The following BDP1 variants were observed in gnomAD, a reference collection of about 807,000 sequenced individuals.
The protein encoded by BDP1 is BDP1 general transcription factor IIIB subunit.
A neutral mutation model predicts 266.6 loss-of-function variants in BDP1; 169 were observed. The ratio of observed to expected loss-of-function variants is 0.63; its 90% CI spans 0.56 to 0.72. BDP1 has a LOEUF of 0.72. Among genes scored for constraint, BDP1 ranks in the 30% least tolerant of loss-of-function variants. BDP1 has a pLI of 0.00. For synonymous variants in BDP1, 1,090 were observed against 1,022.4 expected, an observed-to-expected ratio of 1.07 and a Z score of -1.26; for missense variants, 3,015 against 3,053.8, an observed-to-expected ratio of 0.99 and a Z score of 0.30.
intron 11 of BDP1, chr5:71,494,994 G>C (rs953519275): frequency 4.0e-6 from 1 of 247,646 alleles, no homozygotes; most frequent in African/African-American, 2.2e-5. Context: ...CACCTTGTCC[G>C]GCCTTCATTT....
At chr5:71,535,424 C>T (rs1016271852) in intron 26 of BDP1, among the ~76,000 whole-genome samples, 7 of 151,968 alleles carry the variant, frequency 4.6e-5, no homozygotes, top group Non-Finnish European at 8.8e-5. Flanking sequence ...AGGCTGGTCT[C>T]GAACTTCTGA....
At chr5:71,572,651 C>G (rs150184144), downstream of BDP1, among the ~76,000 whole-genome samples, 3 of 152,280 alleles carry the variant, frequency 2.0e-5, no homozygotes, top group East Asian at 5.8e-4. Flanking sequence ...CAAACTGGTG[C>G]TCGGGTTCTC....
At chr5:71,468,950 A>G (rs1363990543) in intron 6 of BDP1, among the ~76,000 whole-genome samples, 1 of 152,166 alleles carries the variant, frequency 6.6e-6, no homozygotes, top group Non-Finnish European at 1.5e-5. Context: ...TACCTCAGAT[A>G]ATATTGTATA....
At chr5:71,539,785 A>G (rs1435401024) in intron 28 of BDP1, 136 bp downstream of exon 28, 1 of 582,588 alleles carries the variant, frequency 1.7e-6, no homozygotes, top group Non-Finnish European at 3.0e-6. Flanking sequence ...AAAATATGAT[A>G]TGTATGTATT....
downstream of BDP1, among the ~76,000 whole-genome samples, chr5:71,571,341 T>C (rs1328327640): frequency 6.6e-6 from 1 of 152,138 alleles, no homozygotes; most frequent in Non-Finnish European, 1.5e-5. Context: ...GATGGGTTTT[T>C]GCCATATTGC....
chr5:71,473,783 C>T (rs1762418608), intron 7 of BDP1, among the ~76,000 whole-genome samples: 1 of 151,906 alleles, frequency 6.6e-6, no homozygotes, highest in African/African-American at 2.4e-5. Context: ...CACCCATTGA[C>T]TCGTCATTTA....
chr5:71,478,802 G>T (rs1341230553), intron 7 of BDP1, among the ~76,000 whole-genome samples: 2 of 151,726 alleles, frequency 1.3e-5, no homozygotes, highest in Non-Finnish European at 2.9e-5. Context: ...TAATCCTCTC[G>T]TTCTGGAACT....
At chr5:71,512,856 A>AAACC (rs1765002996) in intron 18 of BDP1, among the ~76,000 whole-genome samples, 1 of 151,908 alleles carries the variant, frequency 6.6e-6, no homozygotes, top group Non-Finnish European at 1.5e-5. Context: ...GGAGTTTGAG[A>AAACC]CCAGCCTGGG....
At chr5:71,469,839 ACT>A (rs1310091479) in intron 6 of BDP1, among the ~76,000 whole-genome samples, 1 of 122,006 alleles carries the variant, frequency 8.2e-6, no homozygotes, top group African/African-American at 3.1e-5. Flanking sequence ...CTGGTCTCAA[ACT>A]CTTTTTTTTT....
chr5:71,554,025 T>C (rs1455105631), intron 35 of BDP1, among the ~76,000 whole-genome samples: 1 of 152,238 alleles, frequency 6.6e-6, no homozygotes, highest in Non-Finnish European at 1.5e-5. Flanking sequence ...CCTCTTGTTT[T>C]TATACTCATC....
At chr5:71,484,582 A>G in intron 8 of BDP1, among the ~76,000 whole-genome samples, 1 of 152,130 alleles carries the variant, frequency 6.6e-6, no homozygotes, top group East Asian at 1.9e-4. Context: ...ATATCTTGCA[A>G]TTTCTAACTA....
chr5:71,527,071 T>A (rs1381341204), intron 25 of BDP1, among the ~76,000 whole-genome samples: 1 of 151,928 alleles, frequency 6.6e-6, no homozygotes, highest in African/African-American at 2.4e-5. Context: ...CTACCATCCA[T>A]CCACAGAACT....
intron 10 of BDP1, among the ~76,000 whole-genome samples, chr5:71,490,173 G>T (rs1763503349): frequency 6.6e-6 from 1 of 152,084 alleles, no homozygotes; most frequent in Non-Finnish European, 1.5e-5. Flanking sequence ...AGTTTGAGGG[G>T]GAGTCTTGGT....
Position 71,526,477 on chromosome 5 carries a change from G to A in BDP1, c.5772+2154G>A, listed in dbSNP as rs538142542. Among the ~76,000 whole-genome samples, 13 of 151,752 alleles carry A rather than the reference G, an allele frequency of 8.6e-5. No individual in the cohort carries two copies. The East Asian group carries it at 2.0e-3, about 23-fold the overall frequency. The stretch of plus-strand genomic sequence containing the variant: ...ACTAAAATACAAAAATTAGCTGGGC[G>A]TGGTGTCAGGTGCCTGTAGTCCCAG... On this transcript the variant is annotated intron_variant, in intron 25 of 38. Coordinates refer to ENST00000358731, the MANE Select transcript of BDP1 (RefSeq NM_018429.3).
chr5:71,562,305 T>C lies in BDP1; in HGVS notation c.7528T>C (p.Leu2510=). Residue 2510 remains leucine (L), a synonymous_variant, in exon 38 of 39, where the codon TTA becomes CTA. Coordinates refer to ENST00000358731, the MANE Select transcript of BDP1 (RefSeq NM_018429.3). ...PGRRPLGFLS[L]ICSKNSLESD... is the part of the protein sequence containing the mutation. ...CAGAAGACCCCTGGGATTTTTATCT[T>C]TAATATGCTCAAAGAATAGTTTGGA... is the stretch of plus-strand genomic sequence containing the variant. 6.2e-7 allele frequency: 1 copy of C among 1,610,780 alleles called. No homozygotes were observed. Among genetic ancestry groups the C allele is most frequent in the Non-Finnish European group, 8.5e-7 (1 of 1,179,028 alleles).
chr5:71,521,072 C>T (rs1472155415), intron 22 of BDP1, among the ~76,000 whole-genome samples: 1 of 151,340 alleles, frequency 6.6e-6, no homozygotes, highest in Non-Finnish European at 1.5e-5. Context: ...CCTGTAATCC[C>T]AGCTACTTGA....
intron 7 of BDP1, among the ~76,000 whole-genome samples, chr5:71,475,071 C>T (rs12514575): frequency 0.44 from 67,597 of 151,940 alleles, 15,408 homozygotes; most frequent in South Asian, 0.55. Context: ...GCAGAATAAT[C>T]CTTAAATGTA....
At chr5:71,468,021 A>T (rs934623467) in intron 6 of BDP1, among the ~76,000 whole-genome samples, 8 of 151,798 alleles carry the variant, frequency 5.3e-5, no homozygotes, top group Admixed American at 1.3e-4. Context: ...TTTGAAAAAA[A>T]TTTTTTTATT....
chr5:71,466,965 C>T (rs1761944893), intron 5 of BDP1, among the ~76,000 whole-genome samples: 1 of 152,144 alleles, frequency 6.6e-6, no homozygotes, highest in African/African-American at 2.4e-5. Context: ...TATTTAACTG[C>T]TTTCTCTGCA....
Sources: gnomAD v4.1 joint callset for allele counts (sites outside exome capture counted in the v4.1 genomes callset) on GRCh38, gnomAD v4.1.1 for gene constraint, MANE v1.5 for transcripts, NCBI Gene and HGNC (gene_info 2026-07-23, HGNC 2026-07-21) for gene names.